Variants in FRY observed in about 807,000 individuals in gnomAD.
FRY encodes protein furry homolog.
In FRY, 128 loss-of-function variants were observed where a neutral mutation model predicts 348.4. The observed-to-expected ratio is 0.37, with a 90% CI of 0.32 to 0.43. FRY has a LOEUF of 0.43. Among genes scored for constraint, FRY ranks in the 20% least tolerant of loss-of-function variants. The pLI is 1.00. For missense variants in FRY, 2,736 were observed against 3,695.2 expected (o/e 0.74, Z 6.73); for synonymous variants, 1,370 against 1,374.7 (o/e 1.00, Z 0.08).
intron 25 of FRY, 94 bp downstream of exon 25, chr13:32,184,785 A>G (rs1882928060): frequency 3.9e-6 from 4 of 1,013,716 alleles, no homozygotes; most frequent in Non-Finnish European, 6.3e-6. Flanking sequence ...CTTTGTTTTT[A>G]AATATAATAC....
intron 42 of FRY, 22 bp downstream of exon 42, chr13:32,234,783 A>G (rs778285082): frequency 3.1e-6 from 5 of 1,593,140 alleles, no homozygotes; most frequent in Middle Eastern, 1.7e-4. Context: ...AAGACCACTG[A>G]GCTCGTGAAG....
intron 46 of FRY, among the ~76,000 whole-genome samples, chr13:32,240,477 C>T (rs1886443554): frequency 6.6e-6 from 1 of 152,122 alleles, no homozygotes; most frequent in Admixed American, 6.5e-5. Flanking sequence ...AAACTTTATT[C>T]TCGCCTTTTA....
intron 29 of FRY, among the ~76,000 whole-genome samples, chr13:32,197,704 G>A (rs1001690558): frequency 6.6e-6 from 1 of 152,242 alleles, no homozygotes; most frequent in African/African-American, 2.4e-5. Flanking sequence ...GAGGAGAACA[G>A]CTGTGAAGTA....
chr13:32,082,087 A>G (rs1875535084), intron 2 of FRY, among the ~76,000 whole-genome samples: 1 of 152,058 alleles, frequency 6.6e-6, no homozygotes, highest in South Asian at 2.1e-4. Context: ...AGGAATCTGT[A>G]TTTTTCAGTT....
At position 32,074,031 on chromosome 13, in the gene FRY, GT is replaced by G. The variant is rs547583502; in HGVS notation, c.71-4802del. The stretch of plus-strand genomic sequence containing the variant: ...AGCCTAAAAATTAAGCTATAAGTCA[GT>G]GAAGTTGGGGGAAAAATAGTCAGTC... On this transcript the variant is annotated intron_variant, in intron 1 of 60. Transcript: ENST00000542859. Among the ~76,000 whole-genome samples, 57 of 152,290 alleles carry G rather than the reference GT, an allele frequency of 3.7e-4. 1 individual carries two copies. Among genetic ancestry groups the G allele is most frequent in the African/African-American group, 1.4e-3 (57 of 41,550 alleles).
intron 1 of FRY, among the ~76,000 whole-genome samples, chr13:32,059,223 T>C (rs1424596232): frequency 1.3e-5 from 2 of 152,126 alleles, no homozygotes; most frequent in Non-Finnish European, 2.9e-5. Context: ...GTTCTTTTAG[T>C]TGAATGACAG....
intron 11 of FRY, 56 bp downstream of exon 11, chr13:32,137,028 G>C (rs1879765586): frequency 2.1e-6 from 2 of 974,690 alleles, no homozygotes; most frequent in East Asian, 4.8e-5. Context: ...GTAGTTTTTA[G>C]GCTGGCTGAT....
chr13:32,118,229 C>T (rs989516112), intron 4 of FRY, among the ~76,000 whole-genome samples: 62 of 152,012 alleles, frequency 4.1e-4, no homozygotes, highest in African/African-American at 1.5e-3. Flanking sequence ...AATACACTTA[C>T]CTTTTTTAAA....
intron 1 of FRY, among the ~76,000 whole-genome samples, chr13:32,041,318 G>A (rs909793296): frequency 1.9e-5 from 2 of 105,144 alleles, no homozygotes; most frequent in South Asian, 3.4e-4. Flanking sequence ...TTTTGAGACA[G>A]AGTCTAGCTT....
intron 3 of FRY, among the ~76,000 whole-genome samples, chr13:32,110,622 G>T (rs144112294): frequency 2.2e-4 from 33 of 151,956 alleles, no homozygotes; most frequent in African/African-American, 6.8e-4. Context: ...AGTCAGAAAC[G>T]AATATTCTTT....
In FRY at chr13:32,131,681, T is replaced by C. The variant is rs1879374649; in HGVS notation, c.726T>C (p.Ala242=). ...TATGTTATCTTCTTAGATTCCCTGC[T>C]GTAAAGAAGAAATTTATGGCGGAGC... The part of the protein sequence containing the change: ...IGVLAQAKFP[A]VKKKFMAELK... The change falls in exon 8 of 61, where the codon GCT becomes GCC. Residue 242 remains alanine (A), a synonymous_variant. Transcript: ENST00000542859. The C allele has an allele frequency of 6.2e-7, 1 of 1,612,920 alleles. No individual in the cohort carries two copies. Among genetic ancestry groups the C allele is most frequent in the African/African-American group, 1.3e-5 (1 of 74,916 alleles).
At chr13:32,094,715 AC>A (rs1183922041) in intron 2 of FRY, among the ~76,000 whole-genome samples, 1 of 152,162 alleles carries the variant, frequency 6.6e-6, no homozygotes, top group Non-Finnish European at 1.5e-5. Context: ...GCTGAATAGT[AC>A]TTCATCGTGT....
intron 2 of FRY, 126 bp from the exon 3 acceptor site, chr13:32,101,837 A>C: frequency 3.1e-6 from 2 of 649,614 alleles, no homozygotes; most frequent in South Asian, 1.7e-5. Flanking sequence ...CTCATTTAAA[A>C]ATTGGTGCCT....
intron 53 of FRY, 148 bp downstream of exon 53, chr13:32,262,623 T>G (rs1887718242): frequency 2.9e-6 from 2 of 701,168 alleles, no homozygotes; most frequent in Non-Finnish European, 4.8e-6. Flanking sequence ...TAATAGAAGT[T>G]TGTGCACCTG....
chr13:32,219,747 T>C (rs953107033), intron 36 of FRY, among the ~76,000 whole-genome samples: 2 of 151,992 alleles, frequency 1.3e-5, no homozygotes, highest in Non-Finnish European at 2.9e-5. Flanking sequence ...CGAAAACAAA[T>C]GTTGGCGGTT....
intron 11 of FRY, among the ~76,000 whole-genome samples, chr13:32,138,694 C>T (rs1879871952): frequency 6.6e-6 from 1 of 152,260 alleles, no homozygotes; most frequent in East Asian, 1.9e-4. Flanking sequence ...AACCACATTC[C>T]AGAATTCAGT....
intron 2 of FRY, 48 bp downstream of exon 2, chr13:32,079,081 C>A: frequency 8.4e-7 from 1 of 1,191,734 alleles, no homozygotes; most frequent in Non-Finnish European, 1.3e-6. Context: ...CATCTGTATG[C>A]TGAATATACT....
intron 55 of FRY, among the ~76,000 whole-genome samples, chr13:32,273,518 G>A (rs1057453537): frequency 6.6e-6 from 1 of 152,152 alleles, no homozygotes; most frequent in Non-Finnish European, 1.5e-5. Context: ...CACCGCGCCC[G>A]GCCTAACTGT....
chr13:32,228,408 C>CATCCTTAATCCTAGACATT, intron 39 of FRY, 48 bp from the exon 40 acceptor site: 2 of 1,383,052 alleles, frequency 1.4e-6, no homozygotes, highest in South Asian at 2.3e-5. Flanking sequence ...AGCATGCTGA[C>CATCCTTAATCCTAGACATT]AAGCACACTG....
Sources: allele counts gnomAD v4.1 joint callset (sites outside exome capture counted in the v4.1 genomes callset), GRCh38; gene constraint gnomAD v4.1.1; transcripts MANE v1.5; gene names NCBI Gene and HGNC (gene_info 2026-07-23, HGNC 2026-07-21).